LHCGR: variants seen among roughly 807,000 people sequenced by gnomAD.
LHCGR encodes the protein lutropin-choriogonadotropic hormone receptor.
LHCGR carries 55 observed loss-of-function variants against 60.7 expected under a neutral mutation model. That is an observed-to-expected ratio of 0.91 (90% CI 0.73 to 1.13). The LOEUF is 1.13. Ranked by LOEUF, LHCGR falls within the 50% of genes most tolerant of loss-of-function variation. The pLI is 0.00. For synonymous variants in LHCGR, 337 were observed against 316.5 expected, an observed-to-expected ratio of 1.06 and a Z score of -0.69; for missense variants, 862 against 836.0, an observed-to-expected ratio of 1.03 and a Z score of -0.38.
chr2:48,726,117 C>T (rs7562567), intron 3 of LHCGR, among the ~76,000 whole-genome samples: 37,758 of 151,900 alleles, frequency 0.25, 5,722 homozygotes, highest in African/African-American at 0.42. Context: ...TGATGAGAGA[C>T]TCCTCTCAGG....
At chr2:48,694,331 A>AAATGCTTTT in intron 9 of LHCGR, 27 bp from the exon 10 acceptor site, 1 of 1,466,306 alleles carries the variant, frequency 6.8e-7, no homozygotes, top group Non-Finnish European at 9.5e-7. Flanking sequence ...TAAAAAAAGC[A>AAATGCTTTT]TTTGAGCTTT....
In LHCGR at chr2:48,694,138, T is replaced by C. The variant is rs1667000973; in HGVS notation, c.947+86A>G. ...GCAACAGCTCCGTAACCAAGACTTGTATCAAAAGAAAATAATTGATGCTGA... is the reference window on the plus strand; with the variant it reads ...GCAACAGCTCCGTAACCAAGACTTGCATCAAAAGAAAATAATTGATGCTGA... On this transcript the variant is annotated intron_variant, in intron 10 of 10. Transcript: ENST00000294954. 11 of 876,840 alleles carry C rather than the reference T, an allele frequency of 1.3e-5. No individual in the cohort carries two copies. In the East Asian group the frequency reaches 1.3e-4, roughly 11 times the overall value. 54.3% of individuals were successfully genotyped at this position (876,840 alleles called of 1,614,324 possible).
intron 8 of LHCGR, chr2:48,708,629 A>T (rs1343961864): frequency 2.0e-6 from 1 of 488,590 alleles, no homozygotes; most frequent in Non-Finnish European, 3.7e-6. Context: ...CCACAACCAG[A>T]AAGAACTAGC....
intron 10 of LHCGR, among the ~76,000 whole-genome samples, chr2:48,689,207 C>T (rs1245157044): frequency 6.6e-6 from 1 of 151,072 alleles, no homozygotes; most frequent in Non-Finnish European, 1.5e-5. Flanking sequence ...TACATACATA[C>T]ATATATATAT....
At chr2:48,708,799 G>A in intron 8 of LHCGR, 149 bp downstream of exon 8, 1 of 757,588 alleles carries the variant, frequency 1.3e-6, no homozygotes, top group Non-Finnish European at 2.4e-6. Flanking sequence ...TATGGCAGCT[G>A]TGATACACTT....
At position 48,692,925 on chromosome 2, in the gene LHCGR, A is replaced by G. The variant is rs117470089; in HGVS notation, c.947+1299T>C. On this transcript the variant is annotated intron_variant, in intron 10 of 10. Transcript: ENST00000294954. ...ATGCTAGAGATTAGGGACTTGTCTT[A>G]AAGCAGTGATAGCATAGCAAACTTA... 4.1e-4 allele frequency among the ~76,000 whole-genome samples: 63 copies of G among 152,310 alleles called. No individual in the cohort carries two copies. In the East Asian group the frequency reaches 0.01, roughly 25 times the overall value.
chr2:48,707,644 C>G (rs1416488746), intron 8 of LHCGR, among the ~76,000 whole-genome samples: 1 of 152,256 alleles, frequency 6.6e-6, no homozygotes. Context: ...GTATTGGGCT[C>G]CGCCCAGTTC....
At chr2:48,692,934 A>G (rs1189691656) in intron 10 of LHCGR, among the ~76,000 whole-genome samples, 1 of 152,228 alleles carries the variant, frequency 6.6e-6, no homozygotes, top group African/African-American at 2.4e-5. Context: ...TAAAGCAGTG[A>G]TAGCATAGCA....
intron 1 of LHCGR, among the ~76,000 whole-genome samples, chr2:48,749,822 C>A (rs1227841345): frequency 1.3e-5 from 2 of 151,798 alleles, no homozygotes; most frequent in Admixed American, 6.6e-5. Flanking sequence ...CCTTTTGGCT[C>A]TACACTTGCG....
At chr2:48,717,991 T>C (rs967065803) in intron 6 of LHCGR, among the ~76,000 whole-genome samples, 8 of 152,068 alleles carry the variant, frequency 5.3e-5, no homozygotes, top group Admixed American at 5.2e-4. Context: ...AGAAGCTTCC[T>C]TACTTTGGAG....
At chr2:48,746,056 A>G (rs11684451) in intron 1 of LHCGR, among the ~76,000 whole-genome samples, 18,379 of 152,130 alleles carry the variant, frequency 0.12, 1,476 homozygotes, top group South Asian at 0.3. Context: ...TGTATAATCT[A>G]AAAAATCTAT....
chr2:48,709,114 C>A, intron 7 of LHCGR, 92 bp from the exon 8 acceptor site: 1 of 962,348 alleles, frequency 1.0e-6, no homozygotes, highest in Non-Finnish European at 1.7e-6. Flanking sequence ...AAGCTATGTG[C>A]ATGATGTATA....
At chr2:48,746,339 G>A (rs1436376266) in intron 1 of LHCGR, among the ~76,000 whole-genome samples, 3 of 152,154 alleles carry the variant, frequency 2.0e-5, no homozygotes, top group Non-Finnish European at 4.4e-5. Context: ...AACTGAGAGG[G>A]AGAATAAATA....
chr2:48,698,299 G>C (rs1238177896), intron 9 of LHCGR, among the ~76,000 whole-genome samples: 2 of 152,146 alleles, frequency 1.3e-5, no homozygotes, highest in Non-Finnish European at 2.9e-5. Context: ...TCTCTGATAA[G>C]GATTAGAACA....
intron 9 of LHCGR, among the ~76,000 whole-genome samples, chr2:48,694,912 T>C (rs571003910): frequency 3.3e-5 from 5 of 152,260 alleles, no homozygotes; most frequent in South Asian, 4.2e-4. Flanking sequence ...TACCTAGAGA[T>C]GAAATTTAAG....
chr2:48,709,241 C>T (rs571995075), intron 7 of LHCGR, among the ~76,000 whole-genome samples: 2 of 152,032 alleles, frequency 1.3e-5, no homozygotes, highest in Non-Finnish European at 2.9e-5. Context: ...TTCTTCCATT[C>T]CCCCCTTCAC....
chr2:48,725,918 T>C (rs1324937511), intron 3 of LHCGR, among the ~76,000 whole-genome samples, 168 bp from the exon 4 acceptor site: 1 of 152,122 alleles, frequency 6.6e-6, no homozygotes. Context: ...TGGAAATGGC[T>C]TGGTGAGAGC....
intron 3 of LHCGR, 128 bp downstream of exon 3, chr2:48,729,025 C>T: frequency 1.2e-6 from 1 of 806,766 alleles, no homozygotes; most frequent in South Asian, 1.4e-5. Context: ...CTGCCCAGAC[C>T]TAGTAATTGC....
At position 48,702,395 on chromosome 2, in the gene LHCGR, T is replaced by G. The variant is rs951620243; in HGVS notation, c.681-3595A>C. 5.3e-5 allele frequency among the ~76,000 whole-genome samples: 8 copies of G among 152,262 alleles called. No individual in the cohort carries two copies. In the East Asian group the frequency reaches 1.4e-3, roughly 26 times the overall value. On this transcript the variant is annotated intron_variant, in intron 8 of 10. Transcript: ENST00000294954. Reference sequence around the variant, plus strand: ...TGTCATTTACATTAGGTATTTCTGCTAATGCTATCCCTCCCCCAGCTGCCC... The same window carrying G: ...TGTCATTTACATTAGGTATTTCTGCGAATGCTATCCCTCCCCCAGCTGCCC...
Sources: allele counts gnomAD v4.1 joint callset (sites outside exome capture counted in the v4.1 genomes callset), GRCh38; gene constraint gnomAD v4.1.1; transcripts MANE v1.5; gene names NCBI Gene and HGNC (gene_info 2026-07-23, HGNC 2026-07-21).